The following THSD7B variants were observed in gnomAD, a reference collection of about 807,000 sequenced individuals.
The protein encoded by THSD7B is thrombospondin type-1 domain-containing protein 7B.
Under a neutral mutation model 213.6 loss-of-function variants are expected in THSD7B, and 138 were observed. The ratio of observed to expected loss-of-function variants is 0.65; its 90% CI spans 0.56 to 0.74. The LOEUF (loss-of-function observed/expected upper bound fraction) is 0.74, where lower values mean the gene tolerates loss of function less well. THSD7B is among the 30% of genes least tolerant of loss of function. The pLI is 0.00. For missense variants in THSD7B, 1,931 were observed against 1,991.5 expected (o/e 0.97, Z 0.58); for synonymous variants, 742 against 687.0 (o/e 1.08, Z -1.25).
chr2:137,673,995 TC>T (rs1223071661), intron 27 of THSD7B, among the ~76,000 whole-genome samples: 1 of 152,188 alleles, frequency 6.6e-6, no homozygotes, highest in Non-Finnish European at 1.5e-5. Flanking sequence ...GGCCACAGTG[TC>T]CGTGATTCCA....
At chr2:137,417,388 CT>C (rs1015676391) in intron 14 of THSD7B, among the ~76,000 whole-genome samples, 3 of 151,016 alleles carry the variant, frequency 2.0e-5, no homozygotes, top group African/African-American at 4.9e-5. Context: ...ATTAAAAGAG[CT>C]TTTTTTTTCT....
At chr2:136,786,429 C>T (rs1681850198) in intron 1 of THSD7B, among the ~76,000 whole-genome samples, 2 of 152,012 alleles carry the variant, frequency 1.3e-5, no homozygotes, top group African/African-American at 2.4e-5. Context: ...TTTCTTTTAC[C>T]TAAGAGCTGC....
intron 2 of THSD7B, among the ~76,000 whole-genome samples, chr2:137,041,470 A>G (rs1395963447): frequency 6.6e-6 from 1 of 151,734 alleles, no homozygotes; most frequent in Non-Finnish European, 1.5e-5. Context: ...ATGTGCCCAC[A>G]GAAGAATGTA....
At chr2:137,449,930 C>T (rs965946094) in intron 14 of THSD7B, among the ~76,000 whole-genome samples, 9 of 151,894 alleles carry the variant, frequency 5.9e-5, no homozygotes, top group African/African-American at 2.2e-4. Context: ...CAGTTCCTTC[C>T]CACACTCAAG....
At chr2:136,800,342 C>T (rs1327426494) in intron 1 of THSD7B, among the ~76,000 whole-genome samples, 2 of 151,822 alleles carry the variant, frequency 1.3e-5, no homozygotes, top group Non-Finnish European at 1.5e-5. Flanking sequence ...AGTGTGGCTT[C>T]TTGGCTTTGG....
intron 1 of THSD7B, among the ~76,000 whole-genome samples, chr2:136,795,057 A>G (rs1682037295): frequency 6.6e-6 from 1 of 151,972 alleles, no homozygotes; most frequent in Non-Finnish European, 1.5e-5. Context: ...TATATTTAAG[A>G]TATTTCTCTT....
intron 15 of THSD7B, among the ~76,000 whole-genome samples, chr2:137,508,976 T>C (rs1380170384): frequency 6.6e-6 from 1 of 152,082 alleles, no homozygotes; most frequent in Non-Finnish European, 1.5e-5. Flanking sequence ...CTCCAAGAAG[T>C]TCCAAGGCTT....
Position 137,205,756 on chromosome 2 carries a change from T to C in THSD7B, c.1724-25288T>C, listed in dbSNP as rs751816108. On this transcript the variant is annotated intron_variant, in intron 7 of 27. Transcript: ENST00000409968. ...GAGCTCTACTTTTGAATTTAAATAT[T>C]TGTTACTTTTAACATCATGTGAGTC... Among the ~76,000 whole-genome samples the C allele has an allele frequency of 1.1e-4, 17 of 152,166 alleles. 1 individual carries two copies. The highest frequency in any genetic ancestry group is 4.1e-4 in the South Asian group (2 of 4,824).
At chr2:137,254,834 T>G (rs2105076685) in intron 10 of THSD7B, among the ~76,000 whole-genome samples, 1 of 152,206 alleles carries the variant, frequency 6.6e-6, no homozygotes, top group East Asian at 1.9e-4. Context: ...ATTATGAATT[T>G]TATAAACAGA....
rs1165050643 is a variant in THSD7B, at chr2:137,677,298, T to TGTTA, written c.*695_*698dup. Reference sequence around the variant, plus strand: ...ATTTCTGAAGGGAATGTGTACTGAATGTTAGAGTGTACAAATGAAATATGT... The same window carrying TGTTA: ...ATTTCTGAAGGGAATGTGTACTGAATGTTAGTTAGAGTGTACAAATGAAATATGT... On this transcript the variant is annotated 3_prime_UTR_variant, in exon 28 of 28. Coordinates refer to ENST00000409968, the MANE Select transcript of THSD7B (RefSeq NM_001316349.2). The TGTTA allele has an allele frequency of 6.6e-6, 1 of 152,314 alleles. No homozygotes were observed. Among genetic ancestry groups the TGTTA allele is most frequent in the South Asian group, 2.1e-4 (1 of 4,830 alleles). 9.4% of individuals were successfully genotyped at this position (152,314 alleles called of 1,614,324 possible).
intron 2 of THSD7B, among the ~76,000 whole-genome samples, chr2:137,050,227 G>A (rs547168038): frequency 2.5e-4 from 38 of 152,238 alleles, no homozygotes; most frequent in African/African-American, 8.9e-4. Context: ...TTAGGCTTTA[G>A]AATTTTTAGA....
In THSD7B at chr2:137,546,394, ATT is replaced by A. The variant is rs1680717498; in HGVS notation, c.3139-16826_3139-16825del. Among the ~76,000 whole-genome samples the A allele has an allele frequency of 3.2e-4, 12 of 37,294 alleles. 2 individuals are homozygous for A. Among genetic ancestry groups the A allele is most frequent in the Non-Finnish European group, 1.3e-4 (3 of 23,016 alleles). The allele number at this position is 37,294 out of a possible 152,430, so 24.5% of individuals were successfully genotyped here. On this transcript the variant is annotated intron_variant, in intron 15 of 27. Transcript: ENST00000409968. ...TATATATAATATATATATTATATAT[ATT>A]ATATATATTATATATATATTATATA...
In THSD7B at chr2:137,432,801, C is replaced by T. The variant is rs185547930; in HGVS notation, c.2960-18044C>T. On this transcript the variant is annotated intron_variant, in intron 14 of 27. Coordinates refer to ENST00000409968, the MANE Select transcript of THSD7B (RefSeq NM_001316349.2). Reference sequence around the variant, plus strand: ...ACTTCTACTCAATTTTAAGCCCTAACTCAAGTCAGTTTCTTCAAGAAGCCT... The same window carrying T: ...ACTTCTACTCAATTTTAAGCCCTAATTCAAGTCAGTTTCTTCAAGAAGCCT... 2.0e-4 allele frequency among the ~76,000 whole-genome samples: 31 copies of T among 152,332 alleles called. 1 individual carries two copies. Among genetic ancestry groups the T allele is most frequent in the African/African-American group, 2.6e-4 (11 of 41,582 alleles).
chr2:137,168,898 C>T (rs777629051), intron 6 of THSD7B, among the ~76,000 whole-genome samples: 1 of 152,048 alleles, frequency 6.6e-6, no homozygotes, highest in Non-Finnish European at 1.5e-5. Context: ...AGTTTACAGC[C>T]GTGTATGCAT....
rs189157551 is a variant in THSD7B at position 137,244,935 on chromosome 2, G to A, written c.2266+2363G>A. Among the ~76,000 whole-genome samples, 7 of 152,112 alleles carry A rather than the reference G, an allele frequency of 4.6e-5. No individual in the cohort carries two copies. The East Asian group carries it at 1.4e-3, about 29-fold the overall frequency. ...AAACTTTATTGCATTTGAATCACCT[G>A]GAAGAATTATTAATATGCAGATTTC... is the stretch of plus-strand genomic sequence containing the variant. On this transcript the variant is annotated intron_variant, in intron 10 of 27. Transcript: ENST00000409968.
Position 137,255,211 on chromosome 2 carries a change from G to T in THSD7B, c.2266+12639G>T, listed in dbSNP as rs527894521. On this transcript the variant is annotated intron_variant, in intron 10 of 27. Coordinates refer to ENST00000409968, the MANE Select transcript of THSD7B (RefSeq NM_001316349.2). ...AAAGCAGAGGGAGATCAAAATATCA[G>T]CTGCTTCTCAACCCCAGAATTAGAC... 2.1e-4 allele frequency among the ~76,000 whole-genome samples: 32 copies of T among 152,236 alleles called. 1 individual carries two copies. The highest frequency in any genetic ancestry group is 2.1e-3 in the Admixed American group (32 of 15,280).
intron 2 of THSD7B, among the ~76,000 whole-genome samples, chr2:137,012,342 A>C (rs763781869): frequency 2.2e-4 from 33 of 152,148 alleles, no homozygotes; most frequent in Non-Finnish European, 4.4e-4. Context: ...ACTCCACCTA[A>C]TTGCTAGCTC....
At chr2:137,618,306 A>C (rs1682445998) in intron 18 of THSD7B, 86 bp from the exon 19 acceptor site, 1 of 1,063,210 alleles carries the variant, frequency 9.4e-7, no homozygotes, top group Non-Finnish European at 1.4e-6. Flanking sequence ...ATTATTCTCC[A>C]CCAAAGCAGA....
At chr2:136,783,554 G>T (rs527982925) in intron 1 of THSD7B, among the ~76,000 whole-genome samples, 1 of 152,162 alleles carries the variant, frequency 6.6e-6, no homozygotes, top group Non-Finnish European at 1.5e-5. Context: ...GCCACCAAGA[G>T]AGACCTGGAA....
Sources: allele counts gnomAD v4.1 joint callset (sites outside exome capture counted in the v4.1 genomes callset), GRCh38; gene constraint gnomAD v4.1.1; transcripts MANE v1.5; gene names NCBI Gene and HGNC (gene_info 2026-07-23, HGNC 2026-07-21).